The following DLGAP1 variants were observed in gnomAD, a reference collection of about 807,000 sequenced individuals.
The protein encoded by DLGAP1 is DLG associated protein 1.
A neutral mutation model predicts 90.8 loss-of-function variants in DLGAP1; 11 were observed. The observed-to-expected ratio is 0.12, with a 90% CI of 0.08 to 0.20. DLGAP1 has a LOEUF of 0.20. Ranked by LOEUF, DLGAP1 falls within the 10% of genes least tolerant of loss-of-function variation. DLGAP1 has a pLI of 1.00. For synonymous variants in DLGAP1, 558 were observed against 540.7 expected (o/e 1.03, Z -0.44); for missense variants, 1,050 against 1,333.8 (o/e 0.79, Z 3.31).
intron 8 of DLGAP1, among the ~76,000 whole-genome samples, chr18:3,576,957 G>A (rs1193429496): frequency 6.6e-6 from 1 of 151,514 alleles, no homozygotes; most frequent in Non-Finnish European, 1.5e-5. Context: ...CCGTCTCCCA[G>A]GTTCAAGTGA....
intron 1 of DLGAP1, among the ~76,000 whole-genome samples, chr18:4,238,178 CATCA>C (rs2078458341): frequency 6.6e-6 from 1 of 152,280 alleles, no homozygotes; most frequent in African/African-American, 2.4e-5. Flanking sequence ...CTCTCTGTTT[CATCA>C]ATTATAAAAG....
intron 2 of DLGAP1, among the ~76,000 whole-genome samples, chr18:4,037,433 A>T (rs1433917227): frequency 6.6e-6 from 1 of 152,216 alleles, no homozygotes. Context: ...TTTCATCTTA[A>T]AACTTCTTAG....
At chr18:4,393,788 C>T (rs113120613) in intron 1 of DLGAP1, among the ~76,000 whole-genome samples, 7 of 152,268 alleles carry the variant, frequency 4.6e-5, no homozygotes, top group African/African-American at 1.4e-4. Flanking sequence ...AGGGGTGGTT[C>T]TGGGATGAAA....
At chr18:4,247,011 C>A (rs991880090) in intron 1 of DLGAP1, among the ~76,000 whole-genome samples, 2 of 152,004 alleles carry the variant, frequency 1.3e-5, no homozygotes, top group African/African-American at 4.8e-5. Context: ...CTGCTAGTGT[C>A]TAAAATGCTT....
intron 1 of DLGAP1, among the ~76,000 whole-genome samples, chr18:4,396,209 A>G (rs2082436433): frequency 6.6e-6 from 1 of 152,232 alleles, no homozygotes; most frequent in African/African-American, 2.4e-5. Flanking sequence ...AAAGGCAGAG[A>G]GCAGCAAATC....
At position 3,835,389 on chromosome 18, in the gene DLGAP1, G is replaced by A. The variant is rs150417034; in HGVS notation, c.958-21116C>T. The stretch of plus-strand genomic sequence containing the variant: ...TTTCTGGCCAGGCGTGGTGGCTCAC[G>A]CCTGTAATCCCAGCACTTTGGGAGG... On this transcript the variant is annotated intron_variant, in intron 4 of 12. Coordinates refer to ENST00000315677, the MANE Select transcript of DLGAP1 (RefSeq NM_004746.4). 9.7e-3 allele frequency among the ~76,000 whole-genome samples: 1,472 copies of A among 152,060 alleles called. 11 individuals carry two copies. The highest frequency in any genetic ancestry group is 0.037 in the Middle Eastern group (11 of 294).
chr18:3,769,262 A>G (rs2064401816), intron 5 of DLGAP1, among the ~76,000 whole-genome samples: 1 of 152,202 alleles, frequency 6.6e-6, no homozygotes, highest in South Asian at 2.1e-4. Context: ...GTTGGTGAGG[A>G]TTCAACGAAA....
At chr18:3,576,262 C>CTT (rs1310824538) in intron 8 of DLGAP1, among the ~76,000 whole-genome samples, 1,564 of 142,838 alleles carry the variant, frequency 0.011, 23 homozygotes, top group African/African-American at 0.038. Flanking sequence ...CCTCCAACTC[C>CTT]TTTTTTTTTT....
At chr18:4,257,289 A>G (rs1004482428) in intron 1 of DLGAP1, among the ~76,000 whole-genome samples, 1 of 152,222 alleles carries the variant, frequency 6.6e-6, no homozygotes, top group African/African-American at 2.4e-5. Flanking sequence ...GGTAAAATTT[A>G]GAGGCTGGAG....
intron 4 of DLGAP1, among the ~76,000 whole-genome samples, chr18:3,833,384 C>T (rs934171957): frequency 1.3e-5 from 2 of 151,974 alleles, no homozygotes; most frequent in Non-Finnish European, 2.9e-5. Flanking sequence ...CAGGCACATG[C>T]CACCACGCCC....
chr18:4,182,179 G>A (rs959574625), intron 1 of DLGAP1, among the ~76,000 whole-genome samples: 6 of 152,118 alleles, frequency 3.9e-5, no homozygotes, highest in African/African-American at 1.2e-4. Context: ...ACCAGAATAC[G>A]CTACACCCAA....
chr18:4,154,416 T>C (rs1211243625), intron 1 of DLGAP1, among the ~76,000 whole-genome samples: 1 of 152,108 alleles, frequency 6.6e-6, no homozygotes. Flanking sequence ...TTTGTTTCTG[T>C]AACTCTGCAG....
chr18:3,687,223 A>G (rs933168408), intron 7 of DLGAP1, among the ~76,000 whole-genome samples: 1 of 152,200 alleles, frequency 6.6e-6, no homozygotes, highest in African/African-American at 2.4e-5. Context: ...TAAGTCACCA[A>G]GTTTATTACA....
intron 11 of DLGAP1, among the ~76,000 whole-genome samples, chr18:3,504,421 G>A (rs1361944013): frequency 6.6e-6 from 1 of 152,066 alleles, no homozygotes; most frequent in Non-Finnish European, 1.5e-5. Context: ...CGTCGCTCTT[G>A]TCGCCCACGC....
intron 7 of DLGAP1, chr18:3,603,006 A>G (rs970661281): frequency 2.0e-5 from 3 of 152,224 alleles, no homozygotes; most frequent in African/African-American, 7.2e-5. Context: ...CAAAGAGAAC[A>G]CAAGAGGACA....
At chr18:3,953,244 T>C (rs903287979) in intron 3 of DLGAP1, among the ~76,000 whole-genome samples, 8 of 152,216 alleles carry the variant, frequency 5.3e-5, no homozygotes, top group Admixed American at 2.0e-4. Flanking sequence ...ATATATTGTA[T>C]AGTGGTGGAG....
intron 3 of DLGAP1, among the ~76,000 whole-genome samples, chr18:3,887,083 T>TTA (rs1180402258): frequency 6.6e-6 from 1 of 152,230 alleles, no homozygotes; most frequent in Non-Finnish European, 1.5e-5. Flanking sequence ...TTTCCTTATC[T>TTA]TATCAAGTAA....
Position 3,583,179 on chromosome 18 carries a change from TACCTA to T in DLGAP1, c.1592-936_1592-932del, listed in dbSNP as rs1568240891. Among the ~76,000 whole-genome samples the T allele has an allele frequency of 1.7e-3, 237 of 143,288 alleles. 3 individuals carry two copies. Among genetic ancestry groups the T allele is most frequent in the African/African-American group, 5.6e-3 (218 of 38,812 alleles). The allele number at this position is 143,288 out of a possible 152,430, so 94.0% of individuals were successfully genotyped here. The stretch of plus-strand genomic sequence containing the variant: ...CTACCTACCTACCTACCTACCTACC[TACCTA>T]CCTTCCTTCCTTCCTTCCTTCCTTC... On this transcript the variant is annotated intron_variant, in intron 7 of 12. Transcript: ENST00000315677.
At chr18:3,781,687 A>G (rs2065200157) in intron 5 of DLGAP1, among the ~76,000 whole-genome samples, 1 of 152,154 alleles carries the variant, frequency 6.6e-6, no homozygotes. Context: ...GTGTCCTTAG[A>G]TAAGATTGTC....
Sources: allele counts gnomAD v4.1 joint callset (sites outside exome capture counted in the v4.1 genomes callset), GRCh38; gene constraint gnomAD v4.1.1; transcripts MANE v1.5; gene names NCBI Gene and HGNC (gene_info 2026-07-23, HGNC 2026-07-21).